The following PLPP3 variants were observed in gnomAD, a reference collection of about 807,000 sequenced individuals.
PLPP3 encodes the protein PAP2 beta.
A neutral mutation model predicts 29.6 loss-of-function variants in PLPP3; 6 were observed. The observed-to-expected ratio is 0.20, with a 90% CI of 0.11 to 0.40. PLPP3 has a LOEUF of 0.40. PLPP3 is among the 10% of genes least tolerant of loss of function. The pLI is 1.00. For synonymous variants in PLPP3, 152 were observed against 159.7 expected, an observed-to-expected ratio of 0.95 and a Z score of 0.36; for missense variants, 308 against 407.7, an observed-to-expected ratio of 0.76 and a Z score of 2.11.
intron 4 of PLPP3, among the ~76,000 whole-genome samples, chr1:56,518,484 C>T (rs1195823904): frequency 6.6e-6 from 1 of 152,014 alleles, no homozygotes; most frequent in Non-Finnish European, 1.5e-5. Flanking sequence ...TTACACAGGC[C>T]CTTAGCAATC....
rs1645843228 is a variant in PLPP3 at position 56,524,841 on chromosome 1, T to C, written c.298-287A>G. Among the ~76,000 whole-genome samples, 1 of 152,024 alleles carries C rather than the reference T, an allele frequency of 6.6e-6. No individual in the cohort carries two copies. ...GTGTGTGTGTGTGTGTGTATCTTTT[T>C]TTTTAAGGGAGAGACAAGAACTTAA... is the stretch of plus-strand genomic sequence containing the variant. On this transcript the variant is annotated intron_variant, in intron 2 of 5. Coordinates refer to ENST00000371250, the MANE Select transcript of PLPP3 (RefSeq NM_003713.5). The surrounding 1 kb of genome is among the most constrained non-coding windows in gnomAD (Gnocchi z 4.3).
chr1:56,528,593 G>C (rs1455659633), intron 2 of PLPP3, among the ~76,000 whole-genome samples: 2 of 152,056 alleles, frequency 1.3e-5, no homozygotes, highest in African/African-American at 4.8e-5. Context: ...CAGGGAATTA[G>C]ATAAGGTGAT....
intron 2 of PLPP3, among the ~76,000 whole-genome samples, chr1:56,527,278 T>C (rs577816965): frequency 7.9e-4 from 121 of 152,334 alleles, no homozygotes; most frequent in Non-Finnish European, 1.5e-3. Context: ...AAATTCCTAA[T>C]AATAATGTTA....
intron 1 of PLPP3, among the ~76,000 whole-genome samples, chr1:56,572,512 G>A (rs1418426529): frequency 1.3e-5 from 2 of 152,096 alleles, no homozygotes; most frequent in Non-Finnish European, 2.9e-5. Context: ...CCTTTCAAAG[G>A]GGAAGAATGC....
At chr1:56,559,556 A>ATTT (rs35349205) in intron 1 of PLPP3, among the ~76,000 whole-genome samples, 2,453 of 145,192 alleles carry the variant, frequency 0.017, 44 homozygotes, top group African/African-American at 0.047. Context: ...CCAGCCTTGA[A>ATTT]TTTTTTTTTT....
chr1:56,556,704 G>T (rs11206843), intron 1 of PLPP3, among the ~76,000 whole-genome samples: 4,190 of 151,708 alleles, frequency 0.028, 220 homozygotes, highest in African/African-American at 0.097. Context: ...TTAAAAACTG[G>T]TCTGGGTGGT....
At chr1:56,532,510 G>T (rs1645896525) in intron 2 of PLPP3, among the ~76,000 whole-genome samples, 1 of 152,104 alleles carries the variant, frequency 6.6e-6, no homozygotes, top group Non-Finnish European at 1.5e-5. Context: ...GTCCAGATGT[G>T]GGCAAAGTGA....
chr1:56,551,298 T>TTG lies in PLPP3; in HGVS notation c.140-14187_140-14186insCA, dbSNP rs1465357144. On this transcript the variant is annotated intron_variant, in intron 1 of 5. Coordinates refer to ENST00000371250, the MANE Select transcript of PLPP3 (RefSeq NM_003713.5). The stretch of plus-strand genomic sequence containing the variant: ...GGTTTGGGGTTTGGTTTGGTTCGGT[T>TTG]CGGTTCGGTTCGGTTCGGTTCGGTT... Among the ~76,000 whole-genome samples the TTG allele has an allele frequency of 1.8e-3, 264 of 149,814 alleles. 4 individuals are homozygous for TTG. The highest frequency in any genetic ancestry group is 5.9e-3 in the African/African-American group (242 of 40,736).
chr1:56,548,892 T>C (rs1021161832), intron 1 of PLPP3, among the ~76,000 whole-genome samples: 2 of 148,190 alleles, frequency 1.3e-5, no homozygotes, highest in Admixed American at 6.7e-5. Flanking sequence ...TTTAAGGCTA[T>C]ACCAAAAAAA....
chr1:56,535,203 T>C (rs1321636095), intron 2 of PLPP3, among the ~76,000 whole-genome samples: 1 of 152,174 alleles, frequency 6.6e-6, no homozygotes, highest in Non-Finnish European at 1.5e-5. Context: ...ATAAGGTTAA[T>C]TTGCCACATG....
chr1:56,557,526 A>G (rs1646093298), intron 1 of PLPP3, among the ~76,000 whole-genome samples: 1 of 152,210 alleles, frequency 6.6e-6, no homozygotes, highest in African/African-American at 2.4e-5. Flanking sequence ...GCAACCTGGC[A>G]TACAGTAGGC....
intron 1 of PLPP3, among the ~76,000 whole-genome samples, chr1:56,555,897 T>C (rs921515619): frequency 6.6e-6 from 1 of 152,196 alleles, no homozygotes; most frequent in Non-Finnish European, 1.5e-5. Flanking sequence ...TGGCCAAACT[T>C]AGTTAAATTT....
chr1:56,545,395 TG>T (rs1171789213), intron 1 of PLPP3, among the ~76,000 whole-genome samples: 2 of 152,160 alleles, frequency 1.3e-5, no homozygotes, highest in African/African-American at 4.8e-5. Flanking sequence ...AGCTTTTATG[TG>T]GGGGTAAGAT....
intron 1 of PLPP3, among the ~76,000 whole-genome samples, chr1:56,553,489 AG>A (rs1646054408): frequency 6.6e-6 from 1 of 152,148 alleles, no homozygotes; most frequent in Admixed American, 6.5e-5. Flanking sequence ...AGGTGCATTA[AG>A]GCCTCTTACA....
chr1:56,509,351 T>C (rs1300243668), intron 5 of PLPP3, among the ~76,000 whole-genome samples: 4 of 152,154 alleles, frequency 2.6e-5, no homozygotes, highest in African/African-American at 9.7e-5. Context: ...GGAGCTTCTG[T>C]TTCGGGTTAA....
At position 56,528,341 on chromosome 1, in the gene PLPP3, A is replaced by G. The variant is rs145938883; in HGVS notation, c.298-3787T>C. 9.8e-4 allele frequency among the ~76,000 whole-genome samples: 150 copies of G among 152,302 alleles called. No individual in the cohort carries two copies. In the East Asian group the frequency reaches 0.015, roughly 15 times the overall value. ...CCTCTTCCTGTCTTTTCTGGTGAAA[A>G]AGAGCTCAACTGCCCACATATTTAC... On this transcript the variant is annotated intron_variant, in intron 2 of 5. Coordinates refer to ENST00000371250, the MANE Select transcript of PLPP3 (RefSeq NM_003713.5).
At chr1:56,512,472 T>C in intron 4 of PLPP3, 1 of 209,818 alleles carries the variant, frequency 4.8e-6, no homozygotes, top group Non-Finnish European at 9.5e-6. Context: ...ATTATCTGGG[T>C]GTGATGGCAT....
chr1:56,548,643 G>A (rs1444469671), intron 1 of PLPP3, among the ~76,000 whole-genome samples: 1 of 152,120 alleles, frequency 6.6e-6, no homozygotes, highest in Non-Finnish European at 1.5e-5. Flanking sequence ...AAGTTAATAA[G>A]ATGTGGTCTC....
rs1447377994 is a variant in PLPP3 at position 56,515,170 on chromosome 1, G to C, written c.634-3018C>G. ...AATAAGTGTAGCAACCACTCTCTTA[G>C]AGGCTGTGGTCCAGGTTGGTTGATA... On this transcript the variant is annotated intron_variant, in intron 4 of 5. Coordinates refer to ENST00000371250, the MANE Select transcript of PLPP3 (RefSeq NM_003713.5). Among the ~76,000 whole-genome samples the C allele has an allele frequency of 3.3e-5, 5 of 152,302 alleles. No individual in the cohort carries two copies. In the East Asian group the frequency reaches 7.7e-4, roughly 24 times the overall value.
Sources: allele counts gnomAD v4.1 joint callset (sites outside exome capture counted in the v4.1 genomes callset), GRCh38; gene constraint gnomAD v4.1.1; non-coding constraint Gnocchi (gnomAD v3.1); transcripts MANE v1.5; gene names NCBI Gene and HGNC (gene_info 2026-07-23, HGNC 2026-07-21).